The following ADAM10 variants were observed in gnomAD, a reference collection of about 807,000 sequenced individuals.
The protein encoded by ADAM10 is disintegrin and metalloproteinase domain-containing protein 10.
Under a neutral mutation model 90.1 loss-of-function variants are expected in ADAM10, and 17 were observed. The ratio of observed to expected loss-of-function variants is 0.19; its 90% CI spans 0.13 to 0.28. ADAM10 has a LOEUF of 0.28. ADAM10 is among the 10% of genes least tolerant of loss of function. The pLI, the probability that ADAM10 is intolerant of heterozygous loss-of-function variation, is 1.00. For missense variants in ADAM10, 610 were observed against 914.3 expected (o/e 0.67, Z 4.29); for synonymous variants, 310 against 298.6 (o/e 1.04, Z -0.40).
intron 2 of ADAM10, among the ~76,000 whole-genome samples, chr15:58,708,033 C>A (rs528679936): frequency 6.6e-6 from 1 of 151,702 alleles, no homozygotes; most frequent in African/African-American, 2.4e-5. Flanking sequence ...GTGAAGATCG[C>A]GCCACTGTAC....
At chr15:58,647,283 CAG>C (rs1298362123) in intron 5 of ADAM10, among the ~76,000 whole-genome samples, 4 of 11,458 alleles carry the variant, frequency 3.5e-4, no homozygotes, top group Non-Finnish European at 9.4e-4. Flanking sequence ...TTTTTTGAGA[CAG>C]AGTCTCACTC....
At chr15:58,610,540 A>G in intron 13 of ADAM10, 23 bp from the exon 14 acceptor site, 1 of 1,602,060 alleles carries the variant, frequency 6.2e-7, no homozygotes. Flanking sequence ...TGCCAAATAT[A>G]AGCTGAAGGT....
rs527378632 is a variant in ADAM10, at chr15:58,685,511, G to A, written c.207-3197C>T. Among the ~76,000 whole-genome samples, 339 of 136,692 alleles carry A rather than the reference G, an allele frequency of 2.5e-3. 3 individuals are homozygous for A. The highest frequency in any genetic ancestry group is 8.6e-3 in the African/African-American group (324 of 37,886). 89.7% of individuals were successfully genotyped at this position (136,692 alleles called of 152,430 possible). On this transcript the variant is annotated intron_variant, in intron 2 of 15. Transcript: ENST00000260408. The stretch of plus-strand genomic sequence containing the variant: ...TAAGATACAAAAAAGAATATAGTAC[G>A]TTACCTTTTTTTAAAAACAAGAATA...
chr15:58,749,594 C>G lies in ADAM10; in HGVS notation c.-60G>C, dbSNP rs1899914554. ...ACGGGTTAACAGCAGCACATCGATCCGGAGGGAGAAGCTGAAGGGGCTTGG... is the reference window on the plus strand; with the variant it reads ...ACGGGTTAACAGCAGCACATCGATCGGGAGGGAGAAGCTGAAGGGGCTTGG... On this transcript the variant is annotated 5_prime_UTR_variant, in exon 1 of 16. Transcript: ENST00000260408. The G allele has an allele frequency of 7.1e-6, 11 of 1,547,300 alleles. No individual in the cohort carries two copies. Among genetic ancestry groups the G allele is most frequent in the Non-Finnish European group, 8.7e-6 (10 of 1,144,896 alleles).
chr15:58,606,995 T>C (rs1482366193), intron 14 of ADAM10, among the ~76,000 whole-genome samples: 1 of 152,256 alleles, frequency 6.6e-6, no homozygotes, highest in African/African-American at 2.4e-5. Context: ...CTATAAAATG[T>C]TATTTATCAA....
intron 2 of ADAM10, 49 bp from the exon 3 acceptor site, chr15:58,682,363 A>G (rs202097371): frequency 1.5e-5 from 23 of 1,584,712 alleles, no homozygotes; most frequent in Non-Finnish European, 2.0e-5. Flanking sequence ...AAAAGATCCA[A>G]ATTTTAAACA....
chr15:58,735,324 C>T (rs543357369), intron 1 of ADAM10, among the ~76,000 whole-genome samples: 1 of 152,130 alleles, frequency 6.6e-6, no homozygotes, highest in Non-Finnish European at 1.5e-5. Context: ...ATATTACCTA[C>T]GCAGGACAAA....
intron 2 of ADAM10, among the ~76,000 whole-genome samples, chr15:58,689,548 A>T (rs1282824161): frequency 6.6e-6 from 1 of 152,164 alleles, no homozygotes; most frequent in African/African-American, 2.4e-5. Flanking sequence ...TTTAATGCTG[A>T]AAGAAAAACA....
intron 2 of ADAM10, among the ~76,000 whole-genome samples, chr15:58,698,701 C>T (rs1898049339): frequency 1.3e-5 from 2 of 151,250 alleles, no homozygotes; most frequent in Non-Finnish European, 2.9e-5. Flanking sequence ...CTAGATCAAG[C>T]AAAAGAAAGA....
intron 7 of ADAM10, among the ~76,000 whole-genome samples, chr15:58,643,590 T>A (rs1434906040): frequency 6.6e-6 from 1 of 152,206 alleles, no homozygotes; most frequent in South Asian, 2.1e-4. Context: ...GCCATAGTTA[T>A]TGAAGGGTCA....
chr15:58,664,319 T>C (rs1282667265), intron 5 of ADAM10, among the ~76,000 whole-genome samples: 1 of 152,140 alleles, frequency 6.6e-6, no homozygotes, highest in African/African-American at 2.4e-5. Flanking sequence ...CTTTTGAGAA[T>C]AGCCTTCATC....
chr15:58,690,013 A>T (rs181691111), intron 2 of ADAM10, among the ~76,000 whole-genome samples: 9 of 151,592 alleles, frequency 5.9e-5, no homozygotes, highest in Admixed American at 4.6e-4. Flanking sequence ...CCAACCAAAA[A>T]CTAGAAAACT....
chr15:58,652,817 T>C (rs1896721217), intron 5 of ADAM10, among the ~76,000 whole-genome samples: 1 of 83,578 alleles, frequency 1.2e-5, no homozygotes, highest in Non-Finnish European at 1.9e-5. Flanking sequence ...CTTTTGTAAT[T>C]ATGGACATTT....
chr15:58,687,159 G>C (rs1342362787), intron 2 of ADAM10, among the ~76,000 whole-genome samples: 1 of 152,156 alleles, frequency 6.6e-6, no homozygotes, highest in Non-Finnish European at 1.5e-5. Context: ...CTGATGTCTT[G>C]ATTTTTCTAA....
rs1479993614 is a variant in ADAM10 at position 58,668,364 on chromosome 15, TACGTGTATTTG to T, written c.485-3178_485-3168del. Among the ~76,000 whole-genome samples, 10 of 152,320 alleles carry T rather than the reference TACGTGTATTTG, an allele frequency of 6.6e-5. No homozygotes were observed. The East Asian group carries it at 1.9e-3, about 29-fold the overall frequency. On this transcript the variant is annotated intron_variant, in intron 4 of 15. Coordinates refer to ENST00000260408, the MANE Select transcript of ADAM10 (RefSeq NM_001110.4). The stretch of plus-strand genomic sequence containing the variant: ...ATACTAACTTTAAGTGACCATTATT[TACGTGTATTTG>T]ACTTGGGACTATACAGCTATACACA...
In ADAM10 at chr15:58,643,188, A is replaced by T. The variant is rs573341173; in HGVS notation, c.828+698T>A. 2.6e-5 allele frequency among the ~76,000 whole-genome samples: 4 copies of T among 152,218 alleles called. No homozygotes were observed. In the East Asian group the frequency reaches 7.7e-4, roughly 29 times the overall value. On this transcript the variant is annotated intron_variant, in intron 7 of 15. Transcript: ENST00000260408. ...ATAGCCTAAATTTGTCAGTAATTTA[A>T]TATTTATTTATTTACCTGTAATTTA...
intron 4 of ADAM10, among the ~76,000 whole-genome samples, chr15:58,678,746 T>C (rs1487759557): frequency 6.6e-6 from 1 of 152,152 alleles, no homozygotes; most frequent in East Asian, 1.9e-4. Flanking sequence ...TACACAAATA[T>C]CCACACTGAA....
At chr15:58,747,765 A>C (rs1247608526) in intron 1 of ADAM10, 1 of 152,220 alleles carries the variant, frequency 6.6e-6, no homozygotes, top group Non-Finnish European at 1.5e-5. Flanking sequence ...ATTTTTGTAT[A>C]AGAGTTTTAA....
rs1481953362 is a variant in ADAM10, at chr15:58,643,939, T to C, written c.775A>G (p.Thr259Ala). The C allele has an allele frequency of 1.2e-6, 2 of 1,613,584 alleles. No individual in the cohort carries two copies. Among genetic ancestry groups the C allele is most frequent in the South Asian group, 1.1e-5 (1 of 91,074 alleles). Residue 259 changes from threonine to alanine, a missense_variant, in exon 7 of 16, where the codon ACC becomes GCC. This residue lies in a region of ADAM10 where 310 missense variants were observed against 362.4 expected (regional missense o/e 0.86). Transcript: ENST00000260408. ...TTACGGATTCCGGAGAAGTCTGTGG[T>C]CTGGTAAATTGTATCAATCGCTTTA... ...HVKAIDTIYQ[T>A]TDFSGIRNIS...
Sources: gnomAD v4.1 joint callset for allele counts (sites outside exome capture counted in the v4.1 genomes callset) on GRCh38, gnomAD v4.1.1 for gene constraint, gnomAD v4.1.1 regional missense constraint, MANE v1.5 for transcripts, NCBI Gene and HGNC (gene_info 2026-07-23, HGNC 2026-07-21) for gene names.